The following SKAP1 variants were observed in gnomAD, a reference collection of about 807,000 sequenced individuals.
SKAP1 encodes src kinase associated phosphoprotein 1, also known as src kinase-associated phosphoprotein 1.
Under a neutral mutation model 58.5 loss-of-function variants are expected in SKAP1, and 44 were observed. The observed-to-expected ratio is 0.75, with a 90% confidence interval of 0.59 to 0.97. SKAP1 has a LOEUF of 0.97. SKAP1 is among the 50% of genes least tolerant of loss of function. The probability of loss-of-function intolerance (pLI) is 0.00; values close to 1 mark genes in which losing one functional copy is unlikely to be tolerated. For missense variants in SKAP1, 390 were observed against 435.2 expected (o/e 0.90, Z 0.92); for synonymous variants, 127 against 149.7 (o/e 0.85, Z 1.11).
intron 11 of SKAP1, among the ~76,000 whole-genome samples, chr17:48,159,809 T>C (rs1043713553): frequency 6.6e-6 from 1 of 152,212 alleles, no homozygotes; most frequent in East Asian, 1.9e-4. Flanking sequence ...AGGACTATTA[T>C]TGAATTAGGT....
chr17:48,289,523 C>T (rs1399630964), intron 4 of SKAP1, among the ~76,000 whole-genome samples: 1 of 152,082 alleles, frequency 6.6e-6, no homozygotes, highest in Non-Finnish European at 1.5e-5. Flanking sequence ...AACTGATCTG[C>T]ATTCACTTGC....
chr17:48,329,476 G>A (rs908895365), intron 4 of SKAP1, among the ~76,000 whole-genome samples: 1 of 152,196 alleles, frequency 6.6e-6, no homozygotes, highest in Non-Finnish European at 1.5e-5. Flanking sequence ...AGGCCAAGGC[G>A]GGAGGATCAC....
rs745387774 is a variant in SKAP1 at position 48,182,455 on chromosome 17, A to C, written c.570T>G (p.Phe190Leu). 3 of 1,603,106 alleles carry C rather than the reference A, an allele frequency of 1.9e-6. No individual in the cohort carries two copies. The South Asian group carries it at 3.4e-5, about 18-fold the overall frequency. Residue 190 changes from phenylalanine (F) to leucine (L), a missense_variant and splice_region_variant, in exon 8 of 13, where the codon TTT becomes TTG. By Grantham distance (22) the Phe-to-Leu change is conservative. Transcript: ENST00000336915. Reference sequence around the variant, plus strand: ...TGGCTTCTGCTGGACTAGTAGCTGTAAACTAGAGAAAAATCAGTGAATTAA... The same window carrying C: ...TGGCTTCTGCTGGACTAGTAGCTGTCAACTAGAGAAAAATCAGTGAATTAA... ...LTSQDRRSYE[F>L]TATSPAEARD...
intron 4 of SKAP1, among the ~76,000 whole-genome samples, chr17:48,195,579 G>T (rs1160151937): frequency 6.6e-6 from 1 of 152,170 alleles, no homozygotes; most frequent in African/African-American, 2.4e-5. Flanking sequence ...TAACTGAATG[G>T]AACTGTTCAT....
intron 4 of SKAP1, among the ~76,000 whole-genome samples, chr17:48,296,405 T>C (rs2065972849): frequency 6.6e-6 from 1 of 152,192 alleles, no homozygotes; most frequent in Admixed American, 6.6e-5. Context: ...AGGTGGTTGT[T>C]GTTGTTTAAA....
chr17:48,444,823 G>T, the SKAP1 span, among the ~76,000 whole-genome samples: 4 of 152,182 alleles, frequency 2.6e-5, no homozygotes, highest in African/African-American at 9.7e-5. Context: ...TGGAGGGAAA[G>T]GTGAAGGACA....
chr17:48,190,131 C>G (rs183429930), intron 4 of SKAP1, among the ~76,000 whole-genome samples: 1 of 141,162 alleles, frequency 7.1e-6, no homozygotes, highest in African/African-American at 2.6e-5. Flanking sequence ...TTTTTTGAGA[C>G]AGTCTGTCTC....
intron 4 of SKAP1, among the ~76,000 whole-genome samples, chr17:48,247,598 G>A (rs2924255): frequency 0.83 from 126,441 of 152,130 alleles, 52,608 homozygotes; most frequent in East Asian, 0.95. Context: ...CATTTCACGT[G>A]TATTTTTCCA....
intron 4 of SKAP1, among the ~76,000 whole-genome samples, chr17:48,328,046 A>C (rs1346959879): frequency 1.3e-5 from 2 of 152,338 alleles, no homozygotes; most frequent in East Asian, 3.9e-4. Flanking sequence ...CAACAATGGC[A>C]AGAGTGAGAT....
At chr17:48,337,845 T>C (rs2066594626) in intron 4 of SKAP1, among the ~76,000 whole-genome samples, 2 of 152,264 alleles carry the variant, frequency 1.3e-5, no homozygotes, top group South Asian at 4.1e-4. Flanking sequence ...GGAGGCTGCA[T>C]TGAAAAGCAT....
intron 2 of SKAP1, 113 bp from the exon 3 acceptor site, chr17:48,363,927 C>A: frequency 1.5e-6 from 1 of 676,558 alleles, no homozygotes. Flanking sequence ...AAGTCTATAA[C>A]CAGCCAAAGT....
At chr17:48,307,848 T>G (rs1308953246) in intron 4 of SKAP1, 1 of 152,208 alleles carries the variant, frequency 6.6e-6, no homozygotes, top group Non-Finnish European at 1.5e-5. Context: ...TCAGTGTTAT[T>G]GTAGTTATAG....
intron 4 of SKAP1, among the ~76,000 whole-genome samples, chr17:48,210,386 T>C (rs1027396482): frequency 1.3e-5 from 2 of 152,196 alleles, no homozygotes; most frequent in Non-Finnish European, 2.9e-5. Context: ...CAAAGTTCTA[T>C]GAGTAGTTCT....
chr17:48,146,180 C>T (rs922850381), intron 11 of SKAP1, among the ~76,000 whole-genome samples: 15 of 152,070 alleles, frequency 9.9e-5, no homozygotes, highest in Non-Finnish European at 1.8e-4. Context: ...CACACACAGG[C>T]CCCTGCTTTT....
chr17:48,169,776 C>A (rs1361169216), intron 10 of SKAP1, among the ~76,000 whole-genome samples: 3 of 152,094 alleles, frequency 2.0e-5, no homozygotes, highest in African/African-American at 7.2e-5. Context: ...AAAGACAGGG[C>A]TAGATAATGG....
intron 4 of SKAP1, among the ~76,000 whole-genome samples, chr17:48,197,283 A>G (rs931235910): frequency 3.4e-5 from 5 of 146,144 alleles, no homozygotes; most frequent in Admixed American, 6.9e-5. Context: ...AAAAATGCTG[A>G]TTGGTCACCA....
the SKAP1 span, among the ~76,000 whole-genome samples, chr17:48,437,581 A>G: frequency 1.3e-5 from 2 of 151,924 alleles, no homozygotes; most frequent in Admixed American, 1.3e-4. Context: ...CATCTCTACA[A>G]AAATAAAAAA....
intron 4 of SKAP1, among the ~76,000 whole-genome samples, chr17:48,209,332 T>C (rs922132589): frequency 6.6e-6 from 1 of 152,238 alleles, no homozygotes; most frequent in East Asian, 1.9e-4. Context: ...GTTTTTATAA[T>C]AGTCCTATTA....
intron 2 of SKAP1, among the ~76,000 whole-genome samples, chr17:48,365,799 C>A (rs1368642904): frequency 7.0e-6 from 1 of 143,826 alleles, no homozygotes; most frequent in Non-Finnish European, 1.5e-5. Context: ...TTTTTTTTAA[C>A]CTAGGGAGGG....
Sources: allele counts gnomAD v4.1 joint callset (sites outside exome capture counted in the v4.1 genomes callset), GRCh38; gene constraint gnomAD v4.1.1; transcripts MANE v1.5; gene names NCBI Gene and HGNC (gene_info 2026-07-23, HGNC 2026-07-21).